The following IL17C variants were observed in gnomAD, a reference collection of about 807,000 sequenced individuals.
The protein encoded by IL17C is interleukin 17C, also known as interleukin-17C.
IL17C carries 13 observed loss-of-function variants against 11.0 expected under a neutral mutation model. The observed-to-expected ratio is 1.18, with a 90% CI of 0.77 to 1.88. The LOEUF is 1.88. Among genes scored for constraint, IL17C ranks in the 40% most tolerant of loss-of-function variants. The pLI is 0.00. For missense variants in IL17C, 357 were observed against 278.2 expected (o/e 1.28, Z -2.01); for synonymous variants, 150 against 125.8 (o/e 1.19, Z -1.29).
rs1225792955 is a variant in IL17C at position 88,639,299 on chromosome 16, T to C, written c.325T>C (p.Trp109Arg). 8.1e-6 allele frequency: 13 copies of C among 1,598,218 alleles called. No individual in the cohort carries two copies. The highest frequency in any genetic ancestry group is 1.3e-5 in the African/African-American group (1 of 74,744). ...CACCCACCAGCGCTCCATCTCACCC[T>C]GGAGATACCGGTGAGGACCTGGGGA... Reference protein sequence around the residue: ...ADTHQRSISPWRYRVDTDEDR... With the variant: ...ADTHQRSISPRRYRVDTDEDR... Residue 109 changes from tryptophan (W) to arginine (R), a missense_variant, in exon 2 of 3, where the codon TGG becomes CGG. Coordinates refer to ENST00000244241, the MANE Select transcript of IL17C (RefSeq NM_013278.4). The surrounding 1 kb of genome is among the most constrained non-coding windows in gnomAD (Gnocchi z 5.1).
chr16:88,638,706 A>C (rs1308814610), intron 1 of IL17C, 59 bp downstream of exon 1: 1 of 1,611,854 alleles, frequency 6.2e-7, no homozygotes, highest in African/African-American at 1.3e-5. Flanking sequence ...CCTGGCATGG[A>C]AGGGCTGGGG....
In IL17C at chr16:88,638,984, C is replaced by T; in HGVS notation, c.10C>T (p.Leu4Phe). The change falls in exon 2 of 3, where the codon CTC (leucine) becomes TTC (phenylalanine). Residue 4 changes from leucine (L) to phenylalanine (F), a missense_variant. Transcript: ENST00000244241. MTLLPGLLFLTWLH... is the reference protein window; with the variant it reads MTLFPGLLFLTWLH... ...ACCCACCTGCCTGTTTCACCAGCTCCTCCCCGGCCTCCTGTTTCTGACCTG... is the reference window on the plus strand; with the variant it reads ...ACCCACCTGCCTGTTTCACCAGCTCTTCCCCGGCCTCCTGTTTCTGACCTG... 1 of 1,561,162 alleles carries T rather than the reference C, an allele frequency of 6.4e-7. No homozygotes were observed. Among genetic ancestry groups the T allele is most frequent in the Non-Finnish European group, 8.7e-7 (1 of 1,150,430 alleles).
chr16:88,638,950 C>T, intron 1 of IL17C, 31 bp from the exon 2 acceptor site: 2 of 1,535,784 alleles, frequency 1.3e-6, no homozygotes, highest in Non-Finnish European at 1.8e-6. Flanking sequence ...CCCTGGGCAC[C>T]TCCTAACCAC....
Position 88,639,797 on chromosome 16 carries a change from T to G in IL17C, c.336-17T>G. 1.3e-6 allele frequency: 2 copies of G among 1,526,434 alleles called. No individual in the cohort carries two copies. Among genetic ancestry groups the G allele is most frequent in the African/African-American group, 2.7e-5 (2 of 73,314 alleles). The allele number at this position is 1,526,434 out of a possible 1,614,324, so 94.6% of individuals were successfully genotyped here. On this transcript the variant is annotated splice_polypyrimidine_tract_variant and intron_variant, in intron 2 of 2. Coordinates refer to ENST00000244241, the MANE Select transcript of IL17C (RefSeq NM_013278.4). This position sits in a 1 kb window ranked among gnomAD's most constrained non-coding sequence, Gnocchi z 5.1. ...ACAGGGTAGGGCCAGAGACTCACTG[T>G]GCACCCCGTCCCGCAGTGTGGACAC...
chr16:88,639,812 A>G lies in IL17C; in HGVS notation c.336-2A>G. On this transcript the variant is annotated splice_acceptor_variant, in intron 2 of 2. Coordinates refer to ENST00000244241, the MANE Select transcript of IL17C (RefSeq NM_013278.4). LOFTEE classifies it high-confidence loss of function. This position sits in a 1 kb window ranked among gnomAD's most constrained non-coding sequence, Gnocchi z 5.1. ...AGACTCACTGTGCACCCCGTCCCGC[A>G]GTGTGGACACGGATGAGGACCGCTA... 6.4e-7 allele frequency: 1 copy of G among 1,551,752 alleles called. No homozygotes were observed. Among genetic ancestry groups the G allele is most frequent in the Non-Finnish European group, 8.7e-7 (1 of 1,147,154 alleles).
chr16:88,638,691 T>A (rs1474125021), intron 1 of IL17C, 44 bp downstream of exon 1: 8 of 1,612,488 alleles, frequency 5.0e-6, no homozygotes, highest in Non-Finnish European at 6.8e-6. Flanking sequence ...TGCTTGGATG[T>A]GCAGCCTGGC....
Position 88,639,153 on chromosome 16 carries a change from A to G in IL17C, c.179A>G (p.Gln60Arg). ...HLLARGAKWG[Q>R]ALPVALVSSL... ...CTGGCTCGAGGTGCCAAGTGGGGGC[A>G]GGCTTTGCCTGTAGCCCTGGTGTCC... is the stretch of plus-strand genomic sequence containing the variant. Residue 60 changes from glutamine (Q) to arginine (R), a missense_variant, in exon 2 of 3, where the codon CAG becomes CGG. Physicochemically the swap from Gln to Arg is conservative, Grantham distance 43. Coordinates refer to ENST00000244241, the MANE Select transcript of IL17C (RefSeq NM_013278.4). The surrounding 1 kb of genome is among the most constrained non-coding windows in gnomAD (Gnocchi z 5.1). 6.2e-7 allele frequency: 1 copy of G among 1,612,900 alleles called. No homozygotes were observed. Among genetic ancestry groups the G allele is most frequent in the African/African-American group, 1.3e-5 (1 of 75,048 alleles).
At position 88,639,974 on chromosome 16, in the gene IL17C, G is replaced by C. The variant is rs778007805; in HGVS notation, c.496G>C (p.Asp166His). The C allele has an allele frequency of 1.2e-6, 2 of 1,609,744 alleles. No individual in the cohort carries two copies. The highest frequency in any genetic ancestry group is 2.7e-5 in the African/African-American group (2 of 74,828). The change falls in exon 3 of 3, where the codon GAC (aspartate) becomes CAC (histidine). Residue 166 changes from aspartate to histidine, a missense_variant. Asp to His is a moderately conservative substitution (Grantham distance 81). Transcript: ENST00000244241. This position sits in a 1 kb window ranked among gnomAD's most constrained non-coding sequence, Gnocchi z 5.1. ...LVLRRRPCSRDGSGLPTPGAF... is the reference protein window; with the variant it reads ...LVLRRRPCSRHGSGLPTPGAF... ...GCTGCGCCGCCGGCCCTGCTCCCGCGACGGCTCGGGGCTCCCCACACCTGG... is the reference window on the plus strand; with the variant it reads ...GCTGCGCCGCCGGCCCTGCTCCCGCCACGGCTCGGGGCTCCCCACACCTGG...
In IL17C at chr16:88,639,067, C is replaced by T. The variant is rs775520629; in HGVS notation, c.93C>T (p.His31=). ...CCCTCAGGGGGCACCCCCACAGTCACGGTACCCCACACTGCTACTCGGCTG... is the reference window on the plus strand; with the variant it reads ...CCCTCAGGGGGCACCCCCACAGTCATGGTACCCCACACTGCTACTCGGCTG... ...DPSLRGHPHS[H]GTPHCYSAEE... is the part of the protein sequence containing the mutation. The change falls in exon 2 of 3, where the codon CAC becomes CAT. Residue 31 remains histidine (H), a synonymous_variant. Transcript: ENST00000244241. This position sits in a 1 kb window ranked among gnomAD's most constrained non-coding sequence, Gnocchi z 5.1. 21 of 1,612,774 alleles carry T rather than the reference C, an allele frequency of 1.3e-5. No individual in the cohort carries two copies. In the East Asian group the frequency reaches 2.5e-4, roughly 19 times the overall value.
Position 88,639,293 on chromosome 16 carries a change from T to C in IL17C, c.319T>C (p.Ser107Pro). 6.2e-7 allele frequency: 1 copy of C among 1,605,022 alleles called. No homozygotes were observed. The highest frequency in any genetic ancestry group is 8.5e-7 in the Non-Finnish European group (1 of 1,176,200). Reference sequence around the variant, plus strand: ...GGCAGACACCCACCAGCGCTCCATCTCACCCTGGAGATACCGGTGAGGACC... The same window carrying C: ...GGCAGACACCCACCAGCGCTCCATCCCACCCTGGAGATACCGGTGAGGACC... The part of the protein sequence containing the change: ...LEADTHQRSI[S>P]PWRYRVDTDE... The change falls in exon 2 of 3, where the codon TCA becomes CCA. Residue 107 changes from serine to proline, a missense_variant. Transcript: ENST00000244241. The surrounding 1 kb of genome is among the most constrained non-coding windows in gnomAD (Gnocchi z 5.1).
intron 1 of IL17C, 104 bp downstream of exon 1, chr16:88,638,751 G>C: frequency 6.4e-7 from 1 of 1,564,442 alleles, no homozygotes; most frequent in Admixed American, 1.7e-5. Flanking sequence ...TTGGGATGGG[G>C]TCTGGGAAAC....
Position 88,639,753 on chromosome 16 carries a change from G to A in IL17C, c.336-61G>A. Reference sequence around the variant, plus strand: ...AGTACACGGAGAGGGGCCCTGAGGGGAGAGGGGCCTCCAGGAGGACAGGGT... The same window carrying A: ...AGTACACGGAGAGGGGCCCTGAGGGAAGAGGGGCCTCCAGGAGGACAGGGT... On this transcript the variant is annotated intron_variant, in intron 2 of 2. Coordinates refer to ENST00000244241, the MANE Select transcript of IL17C (RefSeq NM_013278.4). The surrounding 1 kb of genome is among the most constrained non-coding windows in gnomAD (Gnocchi z 5.1). The A allele has an allele frequency of 6.8e-7, 1 of 1,463,254 alleles. No individual in the cohort carries two copies. The highest frequency in any genetic ancestry group is 9.0e-7 in the Non-Finnish European group (1 of 1,105,266). The allele number at this position is 1,463,254 out of a possible 1,614,324, so 90.6% of individuals were successfully genotyped here. A position where few individuals can be genotyped will look rare whatever the true frequency, so the allele number is the denominator to read the frequency against.
In IL17C at chr16:88,639,383, C is replaced by T. The variant is rs1906991882; in HGVS notation, c.335+74C>T. The T allele has an allele frequency of 2.7e-5, 38 of 1,403,810 alleles. No individual in the cohort carries two copies. The South Asian group carries it at 4.8e-4, about 18-fold the overall frequency. The allele number at this position is 1,403,810 out of a possible 1,614,324, so 87.0% of individuals were successfully genotyped here. A position where few individuals can be genotyped will look rare whatever the true frequency, so the allele number is the denominator to read the frequency against. On this transcript the variant is annotated intron_variant, in intron 2 of 2. Coordinates refer to ENST00000244241, the MANE Select transcript of IL17C (RefSeq NM_013278.4). The surrounding 1 kb of genome is among the most constrained non-coding windows in gnomAD (Gnocchi z 5.1). Reference sequence around the variant, plus strand: ...CGGGGCCCTGACTGCCCGGAGAGCTCTCTGGGCCTTGGTGGTTCTCACCTG... The same window carrying T: ...CGGGGCCCTGACTGCCCGGAGAGCTTTCTGGGCCTTGGTGGTTCTCACCTG...
intron 1 of IL17C, 142 bp downstream of exon 1, chr16:88,638,789 C>G: frequency 2.9e-6 from 4 of 1,356,132 alleles, no homozygotes; most frequent in Non-Finnish European, 4.2e-6. Flanking sequence ...GGGGAGGCAG[C>G]TGCAGATCCT....
At position 88,639,403 on chromosome 16, in the gene IL17C, C is replaced by A; in HGVS notation, c.335+94C>A. The A allele has an allele frequency of 7.9e-7, 1 of 1,258,350 alleles. No individual in the cohort carries two copies. The highest frequency in any genetic ancestry group is 1.1e-6 in the Non-Finnish European group (1 of 935,242). 77.9% of individuals were successfully genotyped at this position (1,258,350 alleles called of 1,614,324 possible). ...GAGCTCTCTGGGCCTTGGTGGTTCT[C>A]ACCTGTCAAGTGGGCGTGGCCACCT... On this transcript the variant is annotated intron_variant, in intron 2 of 2. Coordinates refer to ENST00000244241, the MANE Select transcript of IL17C (RefSeq NM_013278.4). This position sits in a 1 kb window ranked among gnomAD's most constrained non-coding sequence, Gnocchi z 5.1.
chr16:88,640,146 T>C lies in IL17C; in HGVS notation c.*74T>C. Reference sequence around the variant, plus strand: ...GGCACCCCCTATTTATGTGTATTTATTGTTATTTATATGCCTCCCCCAACA... The same window carrying C: ...GGCACCCCCTATTTATGTGTATTTACTGTTATTTATATGCCTCCCCCAACA... On this transcript the variant is annotated 3_prime_UTR_variant, in exon 3 of 3. Transcript: ENST00000244241. The C allele has an allele frequency of 6.8e-7, 1 of 1,464,154 alleles. No individual in the cohort carries two copies. The highest frequency in any genetic ancestry group is 9.1e-7 in the Non-Finnish European group (1 of 1,098,986). The allele number at this position is 1,464,154 out of a possible 1,614,324, so 90.7% of individuals were successfully genotyped here.
rs1205196478 is a variant in IL17C, at chr16:88,639,202, G to A, written c.228G>A (p.Arg76=). The change falls in exon 2 of 3, where the codon AGG becomes AGA. Residue 76 remains arginine (R), a synonymous_variant. Transcript: ENST00000244241. The surrounding 1 kb of genome is among the most constrained non-coding windows in gnomAD (Gnocchi z 5.1). ...LVSSLEAASH[R]GRHERPSATT... ...CCAGCCTGGAGGCAGCAAGCCACAG[G>A]GGGAGGCACGAGAGGCCCTCAGCTA... The A allele has an allele frequency of 6.2e-7, 1 of 1,612,796 alleles. No individual in the cohort carries two copies. The highest frequency in any genetic ancestry group is 8.5e-7 in the Non-Finnish European group (1 of 1,179,882).
rs1906972675 is a variant in IL17C, at chr16:88,638,977, C to T, written c.7-4C>T. On this transcript the variant is annotated splice_region_variant and splice_polypyrimidine_tract_variant and intron_variant, in intron 1 of 2. Transcript: ENST00000244241. ...CCTAACCACCCACCTGCCTGTTTCACCAGCTCCTCCCCGGCCTCCTGTTTC... is the reference window on the plus strand; with the variant it reads ...CCTAACCACCCACCTGCCTGTTTCATCAGCTCCTCCCCGGCCTCCTGTTTC... The T allele has an allele frequency of 1.3e-6, 2 of 1,555,892 alleles. No individual in the cohort carries two copies. Among genetic ancestry groups the T allele is most frequent in the East Asian group, 2.3e-5 (1 of 44,286 alleles).
rs761004737 is a variant in IL17C at position 88,640,222 on chromosome 16, G to A, written c.*150G>A. On this transcript the variant is annotated 3_prime_UTR_variant, in exon 3 of 3. Transcript: ENST00000244241. ...CGTGTCTGGAGGACAGCCCCCCACT[G>A]TTCTCCTCATCTCCAGCCTCAGTAG... The A allele has an allele frequency of 2.1e-5, 17 of 826,350 alleles. 1 individual carries two copies. The highest frequency in any genetic ancestry group is 2.9e-5 in the Non-Finnish European group (16 of 552,962). The allele number at this position is 826,350 out of a possible 1,614,324, so 51.2% of individuals were successfully genotyped here.
Sources: allele counts gnomAD v4.1 joint callset, GRCh38; gene constraint gnomAD v4.1.1; non-coding constraint Gnocchi (gnomAD v3.1); transcripts MANE v1.5; gene names NCBI Gene and HGNC (gene_info 2026-07-23, HGNC 2026-07-21).